The following DYNLT2 variants were observed in gnomAD, a reference collection of about 807,000 sequenced individuals.
The protein encoded by DYNLT2 is dynein light chain Tctex-type protein 2.
A neutral mutation model predicts 24.3 loss-of-function variants in DYNLT2; 24 were observed. The observed-to-expected ratio is 0.99, with a 90% confidence interval of 0.71 to 1.39. The LOEUF (loss-of-function observed/expected upper bound fraction) is 1.39, where lower values mean the gene tolerates loss of function less well. Ranked by LOEUF, DYNLT2 falls within the 40% of genes most tolerant of loss-of-function variation. The pLI, the probability that DYNLT2 is intolerant of heterozygous loss-of-function variation, is 0.00. For synonymous variants in DYNLT2, 85 were observed against 85.4 expected, an observed-to-expected ratio of 1.00 and a Z score of 0.03; for missense variants, 246 against 234.5, an observed-to-expected ratio of 1.05 and a Z score of -0.32.
downstream of DYNLT2, among the ~76,000 whole-genome samples, chr6:169,736,680 C>T (rs1585314907): frequency 6.6e-6 from 1 of 152,270 alleles, no homozygotes; most frequent in African/African-American, 2.4e-5. Context: ...TGTGAGATGT[C>T]GGCTGTTAGT....
downstream of DYNLT2, among the ~76,000 whole-genome samples, chr6:169,739,349 T>C (rs557160002): frequency 5.9e-5 from 9 of 151,764 alleles, no homozygotes; most frequent in South Asian, 1.5e-3. Context: ...GGCTGGCAAA[T>C]AGCCACACTT....
chr6:169,741,902 T>G (rs1370442263), intron 3 of DYNLT2, among the ~76,000 whole-genome samples: 1 of 152,160 alleles, frequency 6.6e-6, no homozygotes, highest in African/African-American at 2.4e-5. Context: ...GTGCAGCTTC[T>G]CTTCTCCATG....
In DYNLT2 at chr6:169,740,417, A is replaced by C. The variant is rs1789652146; in HGVS notation, c.487-122T>G. On this transcript the variant is annotated intron_variant, in intron 3 of 3. Transcript: ENST00000366774. ...ATCTCAGAAATTATTTTTAAGATGTAATTTGTCTGGTTTTCCCTTTCATAA... is the reference window on the plus strand; with the variant it reads ...ATCTCAGAAATTATTTTTAAGATGTCATTTGTCTGGTTTTCCCTTTCATAA... 4.7e-6 allele frequency: 3 copies of C among 643,016 alleles called. No individual in the cohort carries two copies. In the South Asian group the frequency reaches 5.7e-5, roughly 12 times the overall value. The allele number at this position is 643,016 out of a possible 1,614,324, so 39.8% of individuals were successfully genotyped here. A position where few individuals can be genotyped will look rare whatever the true frequency, so the allele number is the denominator to read the frequency against.
intron 1 of DYNLT2, among the ~76,000 whole-genome samples, chr6:169,745,634 C>T (rs373235515): frequency 3.3e-5 from 5 of 152,112 alleles, no homozygotes; most frequent in South Asian, 4.1e-4. Context: ...CACTTGGCCT[C>T]GGTGTCAAAT....
At chr6:169,744,916 TA>T (rs1789761380) in intron 1 of DYNLT2, among the ~76,000 whole-genome samples, 1 of 152,210 alleles carries the variant, frequency 6.6e-6, no homozygotes, top group Admixed American at 6.5e-5. Context: ...GTTAAAGCAG[TA>T]AGCTTCATTT....
At chr6:169,734,646 G>A in the DYNLT2 span, among the ~76,000 whole-genome samples, 3 of 152,232 alleles carry the variant, frequency 2.0e-5, no homozygotes, top group East Asian at 1.9e-4. Flanking sequence ...CGACTTGATC[G>A]TGGTAGATAA....
intron 1 of DYNLT2, among the ~76,000 whole-genome samples, chr6:169,745,962 A>T (rs1167300820): frequency 6.6e-6 from 1 of 152,242 alleles, no homozygotes; most frequent in Non-Finnish European, 1.5e-5. Context: ...ATATATGCTT[A>T]TTCAGATTAT....
chr6:169,732,994 G>A, the DYNLT2 span, among the ~76,000 whole-genome samples: 8 of 152,138 alleles, frequency 5.3e-5, no homozygotes, highest in South Asian at 2.1e-4. Context: ...GTGTGAGATG[G>A]TATCTCATTG....
intron 2 of DYNLT2, 127 bp from the exon 3 acceptor site, chr6:169,743,365 A>C: frequency 2.6e-6 from 1 of 390,898 alleles, no homozygotes; most frequent in Non-Finnish European, 4.2e-6. Flanking sequence ...TTCCTAACTA[A>C]ATAATATTAA....
chr6:169,748,421 G>A (rs111400039), intron 1 of DYNLT2, among the ~76,000 whole-genome samples: 7 of 38,174 alleles, frequency 1.8e-4, no homozygotes, highest in Admixed American at 1.7e-3. Flanking sequence ...AATCACTCTC[G>A]TCCTGCCTGA....
chr6:169,739,159 C>G (rs1789622983), downstream of DYNLT2, among the ~76,000 whole-genome samples: 2 of 151,710 alleles, frequency 1.3e-5, no homozygotes, highest in Non-Finnish European at 2.9e-5. Context: ...CACACCCTGC[C>G]TCCCTGCTAG....
chr6:169,731,432 T>C, the DYNLT2 span, among the ~76,000 whole-genome samples: 1 of 152,174 alleles, frequency 6.6e-6, no homozygotes, highest in African/African-American at 2.4e-5. Flanking sequence ...GTGTAAGGTA[T>C]GGAGATGAGA....
chr6:169,738,481 T>G (rs1175328373), downstream of DYNLT2, among the ~76,000 whole-genome samples: 3 of 152,144 alleles, frequency 2.0e-5, no homozygotes, highest in East Asian at 5.8e-4. Context: ...AACAACAGTT[T>G]CCCTGGCTGG....
chr6:169,741,474 CCAAG>C (rs1789677308), intron 3 of DYNLT2, among the ~76,000 whole-genome samples: 1 of 152,136 alleles, frequency 6.6e-6, no homozygotes, highest in Non-Finnish European at 1.5e-5. Flanking sequence ...AGCAGAAAAG[CCAAG>C]TAGCTGACCC....
downstream of DYNLT2, among the ~76,000 whole-genome samples, chr6:169,736,142 GTTT>G (rs59505534): frequency 7.0e-6 from 1 of 142,976 alleles, no homozygotes; most frequent in African/African-American, 2.5e-5. Context: ...TTTTTTGTTT[GTTT>G]TTTTTTTTGC....
chr6:169,742,714 T>G (rs1789706456), intron 3 of DYNLT2, among the ~76,000 whole-genome samples: 1 of 152,144 alleles, frequency 6.6e-6, no homozygotes, highest in African/African-American at 2.4e-5. Context: ...GTCTCCTGCC[T>G]TAGCCTCCCG....
downstream of DYNLT2, among the ~76,000 whole-genome samples, chr6:169,737,021 C>A (rs1169718554): frequency 6.6e-6 from 1 of 152,106 alleles, no homozygotes; most frequent in Non-Finnish European, 1.5e-5. Context: ...CCTTTTCATT[C>A]TTTTTTCTCT....
At chr6:169,744,024 G>T in intron 2 of DYNLT2, 44 bp downstream of exon 2, 1 of 1,556,508 alleles carries the variant, frequency 6.4e-7, no homozygotes, top group South Asian at 1.1e-5. Context: ...TTTCTCTGTA[G>T]AACCCTCATA....
the DYNLT2 span, among the ~76,000 whole-genome samples, chr6:169,727,142 T>C: frequency 6.6e-6 from 1 of 152,202 alleles, no homozygotes; most frequent in Non-Finnish European, 1.5e-5. Context: ...TAATTAACTG[T>C]CTTGACTGTT....
Sources: gnomAD v4.1 joint callset for allele counts (sites outside exome capture counted in the v4.1 genomes callset) on GRCh38, gnomAD v4.1.1 for gene constraint, MANE v1.5 for transcripts, NCBI Gene and HGNC (gene_info 2026-07-23, HGNC 2026-07-21) for gene names.